JMJD1C: variants seen among roughly 807,000 people sequenced by gnomAD.
JMJD1C encodes jumonji domain containing 1C.
JMJD1C carries 31 observed loss-of-function variants against 245.3 expected under a neutral mutation model. The ratio of observed to expected loss-of-function variants is 0.13; its 90% CI spans 0.09 to 0.17. The LOEUF (loss-of-function observed/expected upper bound fraction) is 0.17. Among genes scored for constraint, JMJD1C ranks in the 10% least tolerant of loss-of-function variants. The pLI, the probability that JMJD1C is intolerant of heterozygous loss-of-function variation, is 1.00. For missense variants in JMJD1C, 2,691 were observed against 3,000.2 expected (o/e 0.90, Z 2.41); for synonymous variants, 1,057 against 1,017.4 (o/e 1.04, Z -0.74).
intron 1 of JMJD1C, among the ~76,000 whole-genome samples, chr10:63,517,141 G>A (rs1217326502): frequency 6.6e-6 from 1 of 152,130 alleles, no homozygotes; most frequent in African/African-American, 2.4e-5. Context: ...ATGCGAAGGT[G>A]ACCTAGTATT....
intron 1 of JMJD1C, among the ~76,000 whole-genome samples, chr10:63,386,578 G>T (rs1947608625): frequency 6.6e-6 from 1 of 152,178 alleles, no homozygotes; most frequent in African/African-American, 2.4e-5. Flanking sequence ...ATTGGTACCT[G>T]AGCACTTTTT....
At chr10:63,323,720 G>C (rs1941185068) in intron 2 of JMJD1C, among the ~76,000 whole-genome samples, 2 of 152,120 alleles carry the variant, frequency 1.3e-5, no homozygotes, top group African/African-American at 4.8e-5. Context: ...GCCATCTTGT[G>C]CATTCTCTCA....
intron 2 of JMJD1C, among the ~76,000 whole-genome samples, chr10:63,279,061 C>T (rs927958990): frequency 2.6e-5 from 4 of 151,924 alleles, no homozygotes; most frequent in African/African-American, 9.7e-5. Context: ...ACTAGCCTGG[C>T]CAACATGGTG....
At chr10:63,178,003 T>C (rs1477747531) in intron 22 of JMJD1C, 147 bp from the exon 23 acceptor site, 3 of 740,814 alleles carry the variant, frequency 4.0e-6, no homozygotes, top group Non-Finnish European at 6.4e-6. Context: ...TGCAGTGGCA[T>C]GATCTTGGCT....
chr10:63,354,670 C>A (rs1410214455), intron 2 of JMJD1C, among the ~76,000 whole-genome samples: 2 of 42,246 alleles, frequency 4.7e-5, no homozygotes, highest in East Asian at 0.014. Context: ...AAATTTTCTA[C>A]TGCTTTTTTC....
intron 1 of JMJD1C, among the ~76,000 whole-genome samples, chr10:63,456,444 A>G (rs1395281767): frequency 1.3e-5 from 2 of 152,170 alleles, no homozygotes; most frequent in Non-Finnish European, 2.9e-5. Flanking sequence ...ATTCTGTTAA[A>G]TATACAGTCA....
intron 1 of JMJD1C, among the ~76,000 whole-genome samples, chr10:63,436,401 T>C (rs1485674224): frequency 6.6e-6 from 1 of 152,222 alleles, no homozygotes; most frequent in Non-Finnish European, 1.5e-5. Context: ...TTGAAGCTAC[T>C]TACTAGCTCT....
chr10:63,324,810 T>C (rs1230591922), intron 2 of JMJD1C, among the ~76,000 whole-genome samples: 8 of 152,186 alleles, frequency 5.3e-5, no homozygotes, highest in African/African-American at 1.7e-4. Flanking sequence ...GGGTAGTCAC[T>C]GCATGTAAGT....
intron 2 of JMJD1C, among the ~76,000 whole-genome samples, chr10:63,374,072 C>CTTTAAA (rs1365447235): frequency 6.6e-6 from 1 of 152,142 alleles, no homozygotes; most frequent in African/African-American, 2.4e-5. Flanking sequence ...ATTGCATAGA[C>CTTTAAA]TTTAAAATAA....
At chr10:63,406,847 T>G (rs1293525777) in intron 1 of JMJD1C, among the ~76,000 whole-genome samples, 1 of 152,176 alleles carries the variant, frequency 6.6e-6, no homozygotes, top group Non-Finnish European at 1.5e-5. Context: ...TCAAGACACT[T>G]ACAAAAGTCA....
At chr10:63,237,098 C>T (rs942388069) in intron 3 of JMJD1C, among the ~76,000 whole-genome samples, 2 of 152,092 alleles carry the variant, frequency 1.3e-5, no homozygotes, top group Non-Finnish European at 2.9e-5. Flanking sequence ...AGTGCAATGG[C>T]GCAATCTCGG....
chr10:63,296,113 A>G (rs1377019107), intron 2 of JMJD1C, among the ~76,000 whole-genome samples: 1 of 151,070 alleles, frequency 6.6e-6, no homozygotes, highest in Admixed American at 6.6e-5. Flanking sequence ...CCAGGTTCAA[A>G]TGATTCTCCT....
chr10:63,521,698 G>C (rs1468551523), intron 1 of JMJD1C: 4 of 633,216 alleles, frequency 6.3e-6, no homozygotes, highest in Middle Eastern at 4.9e-4. Flanking sequence ...GCCCGGCCTC[G>C]GGCCTGCCGA....
In JMJD1C at chr10:63,247,109, AACAAAAACAAAAAC is replaced by A. The variant is rs1852312917; in HGVS notation, c.447+17528_447+17541del. On this transcript the variant is annotated intron_variant, in intron 3 of 25. Transcript: ENST00000399262. ...AACGGAAATAAACTGAGACAAAAAAAACAAAAACAAAAACAAAAAAACAAAAAACAGAAGAAAAT... is the reference window on the plus strand; with the variant it reads ...AACGGAAATAAACTGAGACAAAAAAAAAAAAAACAAAAAACAGAAGAAAAT... Among the ~76,000 whole-genome samples, 32 of 139,298 alleles carry A rather than the reference AACAAAAACAAAAAC, an allele frequency of 2.3e-4. No homozygotes were observed. The South Asian group carries it at 7.8e-3, about 34-fold the overall frequency. The allele number at this position is 139,298 out of a possible 152,430, so 91.4% of individuals were successfully genotyped here.
At chr10:63,247,869 AAAG>A (rs1289983169) in intron 3 of JMJD1C, among the ~76,000 whole-genome samples, 1 of 151,472 alleles carries the variant, frequency 6.6e-6, no homozygotes, top group Non-Finnish European at 1.5e-5. Flanking sequence ...CAAAACAAAC[AAAG>A]AAGAGGAGGG....
In JMJD1C at chr10:63,200,462, A is replaced by G. The variant is rs1303906376; in HGVS notation, c.5276+14T>C. The G allele has an allele frequency of 5.0e-6, 8 of 1,594,180 alleles. No individual in the cohort carries two copies. The highest frequency in any genetic ancestry group is 1.3e-5 in the African/African-American group (1 of 74,452). ...AATAAATTACTTTTTTCCCAATCTC[A>G]TATTTTCACTTACCGTCTAAAGTAG... On this transcript the variant is annotated intron_variant, in intron 11 of 25. Coordinates refer to ENST00000399262, the MANE Select transcript of JMJD1C (RefSeq NM_032776.3).
At chr10:63,447,131 C>CT (rs1345766462) in intron 1 of JMJD1C, among the ~76,000 whole-genome samples, 2 of 151,480 alleles carry the variant, frequency 1.3e-5, no homozygotes, top group Non-Finnish European at 2.9e-5. Flanking sequence ...TCAAGAGACT[C>CT]TTAACAAGAG....
At chr10:63,515,520 C>T (rs991264363) in intron 1 of JMJD1C, among the ~76,000 whole-genome samples, 3 of 152,152 alleles carry the variant, frequency 2.0e-5, no homozygotes, top group Non-Finnish European at 4.4e-5. Context: ...AGCAACTCCT[C>T]AATTACAGCT....
intron 1 of JMJD1C, among the ~76,000 whole-genome samples, chr10:63,414,143 C>T (rs1356818870): frequency 3.9e-5 from 6 of 151,908 alleles, no homozygotes; most frequent in African/African-American, 2.4e-5. Flanking sequence ...TCCGCCAACA[C>T]GCCCAGCTAA....
Sources: allele counts gnomAD v4.1 joint callset (sites outside exome capture counted in the v4.1 genomes callset), GRCh38; gene constraint gnomAD v4.1.1; transcripts MANE v1.5; gene names NCBI Gene and HGNC (gene_info 2026-07-23, HGNC 2026-07-21).